CRACD: variants seen among roughly 807,000 people sequenced by gnomAD.
CRACD encodes the protein capping protein inhibiting regulator of actin dynamics.
Under a neutral mutation model 106.8 loss-of-function variants are expected in CRACD, and 56 were observed. The ratio of observed to expected loss-of-function variants is 0.52; its 90% CI spans 0.42 to 0.66. CRACD has a LOEUF of 0.66. CRACD is among the 30% of genes least tolerant of loss of function. The probability of loss-of-function intolerance (pLI) is 0.00; values close to 1 mark genes in which losing one functional copy is unlikely to be tolerated. For missense variants in CRACD, 1,730 were observed against 1,623.2 expected, an observed-to-expected ratio of 1.07 and a Z score of -1.13; for synonymous variants, 754 against 670.8, an observed-to-expected ratio of 1.12 and a Z score of -1.92.
chr4:56,262,759 T>G (rs1430031635), intron 2 of CRACD, among the ~76,000 whole-genome samples: 1 of 152,236 alleles, frequency 6.6e-6, no homozygotes, highest in Non-Finnish European at 1.5e-5. Flanking sequence ...ATCTGTACTT[T>G]CAAAATCCCA....
intron 3 of CRACD, among the ~76,000 whole-genome samples, chr4:56,272,693 C>G (rs1405376521): frequency 6.6e-6 from 1 of 152,056 alleles, no homozygotes; most frequent in African/African-American, 2.4e-5. Context: ...GAGTTCAAGA[C>G]CAGCCTAGGC....
At chr4:56,158,743 G>A (rs1039431010) in intron 1 of CRACD, among the ~76,000 whole-genome samples, 2 of 152,186 alleles carry the variant, frequency 1.3e-5, no homozygotes, top group African/African-American at 4.8e-5. Flanking sequence ...CAGAGCTGAC[G>A]CAGCCATCAA....
At chr4:56,280,991 TTAAA>T (rs1244300046) in intron 3 of CRACD, among the ~76,000 whole-genome samples, 1 of 152,172 alleles carries the variant, frequency 6.6e-6, no homozygotes, top group Admixed American at 6.6e-5. Context: ...GCAAAACCCA[TTAAA>T]TAAAAATTAG....
At position 56,220,908 on chromosome 4, in the gene CRACD, T is replaced by G. The variant is rs140823305; in HGVS notation, c.-189+41478T>G. Among the ~76,000 whole-genome samples the G allele has an allele frequency of 8.0e-3, 1,219 of 152,136 alleles. 9 individuals carry two copies. Among genetic ancestry groups the G allele is most frequent in the South Asian group, 0.025 (123 of 4,826 alleles). On this transcript the variant is annotated intron_variant, in intron 2 of 10. Transcript: ENST00000682029. Reference sequence around the variant, plus strand: ...TATCATTTAGCTGGATCTTGAAAGATAGATAGAAAGTAAAAACTCACCAGA... The same window carrying G: ...TATCATTTAGCTGGATCTTGAAAGAGAGATAGAAAGTAAAAACTCACCAGA...
intron 8 of CRACD, among the ~76,000 whole-genome samples, chr4:56,317,951 G>A (rs1349002286): frequency 6.6e-6 from 1 of 152,066 alleles, no homozygotes; most frequent in East Asian, 1.9e-4. Context: ...GCAGAGTATA[G>A]GAGGTAAAGT....
chr4:56,238,947 G>A (rs1740177288), intron 2 of CRACD, among the ~76,000 whole-genome samples: 1 of 152,116 alleles, frequency 6.6e-6, no homozygotes, highest in African/African-American at 2.4e-5. Context: ...TTAGGAAATG[G>A]AGTCACCAAA....
intron 2 of CRACD, among the ~76,000 whole-genome samples, chr4:56,202,269 G>A (rs1044034402): frequency 9.2e-5 from 14 of 151,510 alleles, no homozygotes; most frequent in Non-Finnish European, 1.5e-4. Context: ...TTTTTTAGAC[G>A]GAGTCTCGCT....
At chr4:56,221,932 C>T (rs753911290) in intron 2 of CRACD, among the ~76,000 whole-genome samples, 1 of 152,186 alleles carries the variant, frequency 6.6e-6, no homozygotes, top group African/African-American at 2.4e-5. Flanking sequence ...CACTTTTACA[C>T]TGCTGGTGGG....
At chr4:56,169,536 C>T (rs1736277446) in intron 1 of CRACD, among the ~76,000 whole-genome samples, 1 of 152,192 alleles carries the variant, frequency 6.6e-6, no homozygotes, top group Non-Finnish European at 1.5e-5. Context: ...CTGGCTCTGT[C>T]ACCCAGGCTG....
At chr4:56,188,910 G>A (rs983211749) in intron 2 of CRACD, among the ~76,000 whole-genome samples, 7 of 151,918 alleles carry the variant, frequency 4.6e-5, no homozygotes, top group African/African-American at 1.7e-4. Flanking sequence ...GGTAGCTCAC[G>A]CCTGTAATCC....
intron 2 of CRACD, among the ~76,000 whole-genome samples, chr4:56,244,524 C>A (rs1217483529): frequency 6.6e-6 from 1 of 152,168 alleles, no homozygotes; most frequent in Non-Finnish European, 1.5e-5. Flanking sequence ...GTATTTTTTA[C>A]TTTATTGCTA....
chr4:56,268,778 A>C (rs1476907338), intron 2 of CRACD, among the ~76,000 whole-genome samples: 1 of 152,252 alleles, frequency 6.6e-6, no homozygotes. Flanking sequence ...ATTTTAAAAA[A>C]TCAACCTTTG....
intron 2 of CRACD, among the ~76,000 whole-genome samples, chr4:56,237,348 G>C (rs1040778700): frequency 6.6e-6 from 1 of 151,990 alleles, no homozygotes; most frequent in Admixed American, 6.6e-5. Flanking sequence ...AGAGACCCAG[G>C]CATGAGCCAT....
At chr4:56,077,809 T>A (rs1427612797) in intron 1 of CRACD, among the ~76,000 whole-genome samples, 7 of 152,234 alleles carry the variant, frequency 4.6e-5, no homozygotes, top group Admixed American at 3.3e-4. Context: ...TGAACACAGA[T>A]AAATTCTACC....
At position 56,328,638 on chromosome 4, in the gene CRACD, C is replaced by T. The variant is rs1746621464; in HGVS notation, c.*834C>T. Reference sequence around the variant, plus strand: ...ATGATGTGTAGGCTCCCTCCTAGGGCCTACTCAATCAGAGCCTGTGGGGAC... The same window carrying T: ...ATGATGTGTAGGCTCCCTCCTAGGGTCTACTCAATCAGAGCCTGTGGGGAC... On this transcript the variant is annotated 3_prime_UTR_variant, in exon 11 of 11. Transcript: ENST00000682029. 1.1e-5 allele frequency: 3 copies of T among 276,926 alleles called. No individual in the cohort carries two copies. The highest frequency in any genetic ancestry group is 1.4e-5 in the Non-Finnish European group (2 of 140,786). The allele number at this position is 276,926 out of a possible 1,614,324, so 17.2% of individuals were successfully genotyped here.
At chr4:56,173,702 A>C (rs960454693) in intron 1 of CRACD, among the ~76,000 whole-genome samples, 2 of 152,226 alleles carry the variant, frequency 1.3e-5, no homozygotes, top group Non-Finnish European at 2.9e-5. Context: ...AATTGGTAAA[A>C]ATTTATTTGC....
Position 56,329,026 on chromosome 4 carries a change from A to G in CRACD, c.*1222A>G, listed in dbSNP as rs896904589. Among the ~76,000 whole-genome samples the G allele has an allele frequency of 2.0e-5, 3 of 152,186 alleles. No homozygotes were observed. The highest frequency in any genetic ancestry group is 4.4e-5 in the Non-Finnish European group (3 of 68,026). The stretch of plus-strand genomic sequence containing the variant: ...TATTTAGAGTCACATGTCCAGTAGC[A>G]TTTCTAATTTTGAGCATTCACCTTG... On this transcript the variant is annotated 3_prime_UTR_variant, in exon 11 of 11. Transcript: ENST00000682029.
At chr4:56,301,066 C>T (rs1195810370) in intron 4 of CRACD, among the ~76,000 whole-genome samples, 1 of 152,170 alleles carries the variant, frequency 6.6e-6, no homozygotes, top group Non-Finnish European at 1.5e-5. Flanking sequence ...TCACAAGCTT[C>T]CTTTCAGCTC....
intron 2 of CRACD, among the ~76,000 whole-genome samples, chr4:56,260,553 G>A (rs186480517): frequency 1.3e-5 from 2 of 152,326 alleles, no homozygotes; most frequent in Admixed American, 1.3e-4. Context: ...AAACTGTAAT[G>A]TTGTTTAATT....
Sources: allele counts gnomAD v4.1 joint callset (sites outside exome capture counted in the v4.1 genomes callset), GRCh38; gene constraint gnomAD v4.1.1; transcripts MANE v1.5; gene names NCBI Gene and HGNC (gene_info 2026-07-23, HGNC 2026-07-21).